The following ZNF704 variants were observed in gnomAD, a reference collection of about 807,000 sequenced individuals.
The protein encoded by ZNF704 is glucocorticoid induced gene 1.
A neutral mutation model predicts 44.7 loss-of-function variants in ZNF704; 10 were observed. That is an observed-to-expected ratio of 0.22 (90% CI 0.14 to 0.38). The LOEUF (loss-of-function observed/expected upper bound fraction) is 0.38. Ranked by LOEUF, ZNF704 falls within the 10% of genes least tolerant of loss-of-function variation. The probability of loss-of-function intolerance (pLI) is 1.00; values close to 1 mark genes in which losing one functional copy is unlikely to be tolerated. For synonymous variants in ZNF704, 211 were observed against 207.6 expected, an observed-to-expected ratio of 1.02 and a Z score of -0.14; for missense variants, 390 against 545.5, an observed-to-expected ratio of 0.71 and a Z score of 2.84.
At chr8:80,810,894 C>T (rs1391024000) in intron 2 of ZNF704, among the ~76,000 whole-genome samples, 2 of 152,108 alleles carry the variant, frequency 1.3e-5, no homozygotes, top group Non-Finnish European at 2.9e-5. Flanking sequence ...CCCTCCTTAC[C>T]GTGGATGCTC....
chr8:80,876,360 A>G (rs1343070152), upstream of ZNF704, among the ~76,000 whole-genome samples: 1 of 152,232 alleles, frequency 6.6e-6, no homozygotes, highest in African/African-American at 2.4e-5. Context: ...AGAGTGTGCA[A>G]AGAATTAAGA....
At chr8:80,840,730 A>T (rs1005628383) in intron 1 of ZNF704, among the ~76,000 whole-genome samples, 1 of 152,108 alleles carries the variant, frequency 6.6e-6, no homozygotes, top group African/African-American at 2.4e-5. Context: ...TTCCACTTCC[A>T]TCAAAACAAC....
chr8:80,680,131 T>A (rs1413799708), intron 4 of ZNF704, among the ~76,000 whole-genome samples: 3 of 152,108 alleles, frequency 2.0e-5, no homozygotes, highest in African/African-American at 7.2e-5. Flanking sequence ...GAGTGATACT[T>A]AGGATTGATA....
intron 7 of ZNF704, among the ~76,000 whole-genome samples, chr8:80,653,237 C>A (rs1326577908): frequency 6.6e-6 from 1 of 152,176 alleles, no homozygotes; most frequent in Non-Finnish European, 1.5e-5. Flanking sequence ...AAACTGGAAG[C>A]ATTCCCTTTG....
intron 2 of ZNF704, among the ~76,000 whole-genome samples, chr8:80,708,375 G>T (rs1563526462): frequency 2.0e-5 from 3 of 152,214 alleles, no homozygotes; most frequent in African/African-American, 4.8e-5. Flanking sequence ...GGTGGCTACT[G>T]GCCAGGGCAT....
chr8:80,883,848 T>G, the ZNF704 span, among the ~76,000 whole-genome samples: 12 of 152,360 alleles, frequency 7.9e-5, no homozygotes, highest in African/African-American at 2.6e-4. Context: ...TGATGACAGA[T>G]GTCAAAAGCT....
In ZNF704 at chr8:80,636,266, A is replaced by T. The variant is rs993622132; in HGVS notation, c.*5100T>A. On this transcript the variant is annotated 3_prime_UTR_variant, in exon 9 of 9. Transcript: ENST00000327835. ...TTCTCAGACCCACAACAAAAGTTATAAAACATGAGATTGTCTTCAAAAAAA... is the reference window on the plus strand; with the variant it reads ...TTCTCAGACCCACAACAAAAGTTATTAAACATGAGATTGTCTTCAAAAAAA... 1 of 152,238 alleles carries T rather than the reference A, an allele frequency of 6.6e-6. No homozygotes were observed. Among genetic ancestry groups the T allele is most frequent in the Non-Finnish European group, 1.5e-5 (1 of 68,036 alleles). 9.4% of individuals were successfully genotyped at this position (152,238 alleles called of 1,614,324 possible).
intron 2 of ZNF704, among the ~76,000 whole-genome samples, chr8:80,800,483 C>T (rs975940646): frequency 3.3e-5 from 5 of 152,102 alleles, no homozygotes; most frequent in Non-Finnish European, 5.9e-5. Flanking sequence ...ACCGTACAAG[C>T]CAGAAGAACT....
At chr8:80,669,847 T>A (rs1482612226) in intron 5 of ZNF704, among the ~76,000 whole-genome samples, 1 of 152,204 alleles carries the variant, frequency 6.6e-6, no homozygotes, top group Non-Finnish European at 1.5e-5. Flanking sequence ...GACCTGTAAC[T>A]GCTATGGCTC....
chr8:80,784,893 T>C (rs545042960), intron 2 of ZNF704, among the ~76,000 whole-genome samples: 1 of 152,234 alleles, frequency 6.6e-6, no homozygotes, highest in Non-Finnish European at 1.5e-5. Flanking sequence ...CAGTTTTTGA[T>C]TGACAGAAAA....
intron 7 of ZNF704, 43 bp downstream of exon 7, chr8:80,659,542 T>C (rs1818066084): frequency 1.9e-6 from 3 of 1,551,844 alleles, no homozygotes; most frequent in South Asian, 2.2e-5. Flanking sequence ...TTAGTCTACA[T>C]TGGCTTTGAC....
At chr8:80,876,665 G>A (rs1357653453), upstream of ZNF704, among the ~76,000 whole-genome samples, 1 of 152,110 alleles carries the variant, frequency 6.6e-6, no homozygotes, top group Non-Finnish European at 1.5e-5. Context: ...TGTGAAATGG[G>A]GATCATAGTA....
chr8:80,734,199 T>C lies in ZNF704; in HGVS notation c.222-41092A>G, dbSNP rs960559773. ...ACCAGATCACTAGACAAGCTGGCCA[T>C]TGCTTCTCTTTAGTCTTCAGAGAAG... On this transcript the variant is annotated intron_variant, in intron 2 of 8. Coordinates refer to ENST00000327835, the MANE Select transcript of ZNF704 (RefSeq NM_001033723.3). 2.0e-5 allele frequency among the ~76,000 whole-genome samples: 3 copies of C among 152,316 alleles called. No individual in the cohort carries two copies. The South Asian group carries it at 6.2e-4, about 32-fold the overall frequency.
chr8:80,835,867 C>A (rs1376931754), intron 1 of ZNF704, among the ~76,000 whole-genome samples: 1 of 152,048 alleles, frequency 6.6e-6, no homozygotes. Flanking sequence ...CCATTCACAC[C>A]CAATCCATGT....
At chr8:80,872,736 A>T (rs921849236) in intron 1 of ZNF704, among the ~76,000 whole-genome samples, 1 of 152,178 alleles carries the variant, frequency 6.6e-6, no homozygotes, top group African/African-American at 2.4e-5. Flanking sequence ...TCCTGAAGAT[A>T]CACAAACGGA....
chr8:80,679,834 C>T (rs989106250), intron 4 of ZNF704, among the ~76,000 whole-genome samples: 1 of 152,188 alleles, frequency 6.6e-6, no homozygotes, highest in Non-Finnish European at 1.5e-5. Flanking sequence ...CTCACATATG[C>T]CTGATGTGAG....
chr8:80,857,148 A>G (rs924245669), intron 1 of ZNF704, among the ~76,000 whole-genome samples: 1 of 152,108 alleles, frequency 6.6e-6, no homozygotes, highest in Non-Finnish European at 1.5e-5. Flanking sequence ...TTGATTCCTT[A>G]GGATTTCTCT....
chr8:80,700,269 C>T (rs1312353741), intron 2 of ZNF704, among the ~76,000 whole-genome samples: 2 of 152,146 alleles, frequency 1.3e-5, no homozygotes, highest in Non-Finnish European at 2.9e-5. Flanking sequence ...AACCCACCAC[C>T]CCCAGCCAAC....
At chr8:80,687,184 T>G in intron 4 of ZNF704, 42 bp downstream of exon 4, 1 of 1,570,804 alleles carries the variant, frequency 6.4e-7, no homozygotes, top group African/African-American at 1.3e-5. Flanking sequence ...GAAAGCACCT[T>G]CAGGAAACTG....
Sources: allele counts gnomAD v4.1 joint callset (sites outside exome capture counted in the v4.1 genomes callset), GRCh38; gene constraint gnomAD v4.1.1; transcripts MANE v1.5; gene names NCBI Gene and HGNC (gene_info 2026-07-23, HGNC 2026-07-21).